The following MYH14 variants were observed in gnomAD, a reference collection of about 807,000 sequenced individuals.
The protein encoded by MYH14 is myosin heavy chain 14, also known as myosin-14.
MYH14 carries 123 observed loss-of-function variants against 255.5 expected under a neutral mutation model. The observed-to-expected ratio is 0.48, with a 90% CI of 0.42 to 0.56. MYH14 has a LOEUF of 0.56. MYH14 is among the 20% of genes least tolerant of loss of function. The probability of loss-of-function intolerance (pLI) is 0.00; values close to 1 mark genes in which losing one functional copy is unlikely to be tolerated. For missense variants in MYH14, 2,423 were observed against 2,802.3 expected (o/e 0.86, Z 3.06); for synonymous variants, 1,095 against 1,161.2 (o/e 0.94, Z 1.16).
intron 42 of MYH14, 73 bp downstream of exon 42, chr19:50,309,250 C>T (rs916202219): frequency 3.8e-5 from 55 of 1,459,110 alleles, no homozygotes; most frequent in Admixed American, 5.1e-5. Context: ...GACGCGAGGC[C>T]GTGCCAGGGG....
intron 40 of MYH14, among the ~76,000 whole-genome samples, chr19:50,306,337 C>G (rs886071980): frequency 6.6e-6 from 1 of 152,164 alleles, no homozygotes; most frequent in East Asian, 1.9e-4. Context: ...CCTTCCCACT[C>G]GCCCCCAGCC....
chr19:50,259,260 G>A lies in MYH14; in HGVS notation c.2349G>A (p.Arg783=). 1 of 1,576,416 alleles carries A rather than the reference G, an allele frequency of 6.3e-7. No individual in the cohort carries two copies. The highest frequency in any genetic ancestry group is 8.6e-7 in the Non-Finnish European group (1 of 1,160,464). ...FPNRILFQEF[R]QRYEILTPNA... ...ACCGCATCCTCTTCCAGGAGTTCCGGCAGCGGTGAGCTAGAGCGAGGGCCC... is the reference window on the plus strand; with the variant it reads ...ACCGCATCCTCTTCCAGGAGTTCCGACAGCGGTGAGCTAGAGCGAGGGCCC... Residue 783 remains arginine (R), a synonymous_variant, in exon 19 of 43, where the codon CGG becomes CGA. Transcript: ENST00000642316.
At chr19:50,301,009 C>T (rs1032706554) in intron 39 of MYH14, among the ~76,000 whole-genome samples, 1 of 151,954 alleles carries the variant, frequency 6.6e-6, no homozygotes, top group African/African-American at 2.4e-5. Flanking sequence ...TGTGTCCCTG[C>T]GAGGGTAAAA....
At position 50,276,471 on chromosome 19, in the gene MYH14, G is replaced by A. The variant is rs1040811840; in HGVS notation, c.3680+268G>A. ...AAGGGGTGCTTTAGCGGAGTAACACGGGGCACTGTGGGTGATAAGTGAAGA... is the reference window on the plus strand; with the variant it reads ...AAGGGGTGCTTTAGCGGAGTAACACAGGGCACTGTGGGTGATAAGTGAAGA... On this transcript the variant is annotated intron_variant, in intron 28 of 42. Transcript: ENST00000642316. The surrounding 1 kb of genome is among the most constrained non-coding windows in gnomAD (Gnocchi z 4.3). Among the ~76,000 whole-genome samples, 2 of 152,094 alleles carry A rather than the reference G, an allele frequency of 1.3e-5. No homozygotes were observed. The highest frequency in any genetic ancestry group is 6.5e-5 in the Admixed American group (1 of 15,270).
intron 22 of MYH14, among the ~76,000 whole-genome samples, chr19:50,263,854 C>T (rs575430373): frequency 4.0e-4 from 61 of 151,840 alleles, no homozygotes; most frequent in African/African-American, 1.4e-3. Flanking sequence ...ATCAGGAGTT[C>T]GAGACCAGCC....
chr19:50,289,406 C>A (rs1456313607), intron 34 of MYH14, 30 bp from the exon 35 acceptor site: 23 of 1,574,638 alleles, frequency 1.5e-5, no homozygotes, highest in Non-Finnish European at 2.0e-5. Context: ...CTCAGTGACC[C>A]AGGTACCCAG....
Position 50,203,627 on chromosome 19 carries a change from C to T in MYH14, c.-48C>T, listed in dbSNP as rs1371256666. ...GCGGGGCTGTCCTGGCGGACACGCC[C>T]CTCTTTCTCCCCAGGCCGAAGCCTC... is the stretch of plus-strand genomic sequence containing the variant. On this transcript the variant is annotated 5_prime_UTR_variant, in exon 1 of 43. Transcript: ENST00000642316. 1 of 152,348 alleles carries T rather than the reference C, an allele frequency of 6.6e-6. No individual in the cohort carries two copies. The highest frequency in any genetic ancestry group is 2.4e-5 in the African/African-American group (1 of 41,460). The allele number at this position is 152,348 out of a possible 1,614,324, so 9.4% of individuals were successfully genotyped here.
intron 29 of MYH14, among the ~76,000 whole-genome samples, chr19:50,277,225 T>A (rs1375826020): frequency 1.3e-5 from 2 of 152,056 alleles, no homozygotes; most frequent in African/African-American, 4.8e-5. Context: ...GGGGCCATAA[T>A]GAACAGGAAA....
intron 36 of MYH14, among the ~76,000 whole-genome samples, chr19:50,291,331 T>A (rs866347051): frequency 1.3e-5 from 2 of 151,592 alleles, no homozygotes; most frequent in Non-Finnish European, 2.9e-5. Flanking sequence ...TGAGACAGTC[T>A]CATTCTGTCA....
chr19:50,274,061 G>A (rs788341), intron 27 of MYH14, among the ~76,000 whole-genome samples: 1 of 152,014 alleles, frequency 6.6e-6, no homozygotes, highest in Non-Finnish European at 1.5e-5. Context: ...ATTGTAGACA[G>A]TACTCCTAAG....
At chr19:50,226,720 T>C (rs1025879836) in intron 7 of MYH14, among the ~76,000 whole-genome samples, 183 bp from the exon 8 acceptor site, 4 of 152,106 alleles carry the variant, frequency 2.6e-5, no homozygotes, top group Admixed American at 2.0e-4. Context: ...GGCCCGGACC[T>C]TGAATTCCCA....
At chr19:50,262,999 A>T (rs2034942847) in intron 21 of MYH14, among the ~76,000 whole-genome samples, 1 of 152,044 alleles carries the variant, frequency 6.6e-6, no homozygotes, top group South Asian at 2.1e-4. Context: ...GGGGAGTTGG[A>T]GAGCAGCCCG....
chr19:50,277,399 A>G, intron 29 of MYH14, among the ~76,000 whole-genome samples: 1 of 152,284 alleles, frequency 6.6e-6, no homozygotes, highest in Admixed American at 6.5e-5. Context: ...TGAGGCCAGG[A>G]GTTCGAGACC....
rs373457292 is a variant in MYH14 at position 50,263,377 on chromosome 19, A to G, written c.2651A>G (p.Tyr884Cys). 2.1e-5 allele frequency: 34 copies of G among 1,604,220 alleles called. No homozygotes were observed. In the African/African-American group the frequency reaches 3.5e-4, roughly 16 times the overall value. Residue 884 changes from tyrosine (Y) to cysteine (C), a missense_variant, in exon 22 of 43, where the codon TAC (tyrosine) becomes TGC (cysteine). Tyr to Cys is a radical substitution (Grantham distance 194). This residue lies in a region of MYH14 where 1,513 missense variants were observed against 1,674.8 expected (regional missense o/e 0.90). Coordinates refer to ENST00000642316, the MANE Select transcript of MYH14 (RefSeq NM_001145809.2). The stretch of plus-strand genomic sequence containing the variant: ...GTGATGCAGCGGAACTGCGCGGCCT[A>G]CCTCAAGCTGAGACACTGGCAGTGG... ...LRVMQRNCAA[Y>C]LKLRHWQWWR...
At chr19:50,255,537 G>A (rs868566762) in intron 17 of MYH14, among the ~76,000 whole-genome samples, 6 of 152,156 alleles carry the variant, frequency 3.9e-5, no homozygotes, top group Admixed American at 6.5e-5. Flanking sequence ...ACAAACAAGC[G>A]TGATAGTACC....
At chr19:50,234,830 T>C (rs1029069807) in intron 10 of MYH14, among the ~76,000 whole-genome samples, 2 of 152,198 alleles carry the variant, frequency 1.3e-5, no homozygotes, top group African/African-American at 4.8e-5. Flanking sequence ...CAGCAACCTA[T>C]GCATGTAGTA....
At position 50,310,422 on chromosome 19, in the gene MYH14, T is replaced by G. The variant is rs2036825257; in HGVS notation, c.*632T>G. Reference sequence around the variant, plus strand: ...CCCCTCTCACTCCTGCTGCTGCCCATGCTCTGCCCTCCCTTCTGGTTGCTC... The same window carrying G: ...CCCCTCTCACTCCTGCTGCTGCCCAGGCTCTGCCCTCCCTTCTGGTTGCTC... On this transcript the variant is annotated 3_prime_UTR_variant, in exon 43 of 43. Coordinates refer to ENST00000642316, the MANE Select transcript of MYH14 (RefSeq NM_001145809.2). 1 of 153,986 alleles carries G rather than the reference T, an allele frequency of 6.5e-6. No individual in the cohort carries two copies. The highest frequency in any genetic ancestry group is 6.5e-5 in the Admixed American group (1 of 15,308). The allele number at this position is 153,986 out of a possible 1,614,324, so 9.5% of individuals were successfully genotyped here.
At chr19:50,302,284 T>TAAAAAAAAAAAAAAAA (rs57153887) in intron 40 of MYH14, among the ~76,000 whole-genome samples, 1 of 117,384 alleles carries the variant, frequency 8.5e-6, no homozygotes, top group African/African-American at 3.4e-5. Context: ...ACCTTGTCTC[T>TAAAAAAAAAAAAAAAA]AAAAAAAAAA....
chr19:50,249,207 G>C, intron 13 of MYH14, 68 bp downstream of exon 13: 11 of 1,477,240 alleles, frequency 7.4e-6, no homozygotes, highest in African/African-American at 2.8e-5. Flanking sequence ...CTGAAGCCCT[G>C]GGTCTCTCCC....
Sources: gnomAD v4.1 joint callset for allele counts (sites outside exome capture counted in the v4.1 genomes callset) on GRCh38, gnomAD v4.1.1 for gene constraint, gnomAD v4.1.1 regional missense constraint, Gnocchi (gnomAD v3.1) non-coding constraint, MANE v1.5 for transcripts, NCBI Gene and HGNC (gene_info 2026-07-23, HGNC 2026-07-21) for gene names.